Variants in FYB1 observed in about 807,000 individuals in gnomAD.
The protein encoded by FYB1 is FYN-binding protein 1.
Under a neutral mutation model 94.1 loss-of-function variants are expected in FYB1, and 41 were observed. The ratio of observed to expected loss-of-function variants is 0.44; its 90% CI spans 0.34 to 0.57. The LOEUF (loss-of-function observed/expected upper bound fraction) is 0.57. Ranked by LOEUF, FYB1 falls within the 20% of genes least tolerant of loss-of-function variation. FYB1 has a pLI of 0.02. For synonymous variants in FYB1, 367 were observed against 353.2 expected (o/e 1.04, Z -0.44); for missense variants, 1,050 against 976.8 (o/e 1.07, Z -1.00).
intron 2 of FYB1, among the ~76,000 whole-genome samples, chr5:39,190,425 A>G (rs1477032951): frequency 6.6e-6 from 1 of 152,126 alleles, no homozygotes. Context: ...CTGAGGAGCT[A>G]TGGACAATCT....
At chr5:39,199,996 G>T (rs1336291457) in intron 2 of FYB1, among the ~76,000 whole-genome samples, 1 of 152,202 alleles carries the variant, frequency 6.6e-6, no homozygotes, top group Non-Finnish European at 1.5e-5. Context: ...TTGATTTGTG[G>T]AAGAGGTGAA....
intron 7 of FYB1, among the ~76,000 whole-genome samples, chr5:39,136,136 C>G (rs1465390669): frequency 6.6e-6 from 1 of 152,110 alleles, no homozygotes; most frequent in Non-Finnish European, 1.5e-5. Context: ...GAGGCCCGAT[C>G]TCAGCTCACT....
intron 1 of FYB1, among the ~76,000 whole-genome samples, chr5:39,273,071 G>A (rs899841257): frequency 2.0e-5 from 3 of 152,148 alleles, no homozygotes; most frequent in Non-Finnish European, 2.9e-5. Flanking sequence ...GGTGGGGGGC[G>A]CTTCTGCCCG....
intron 1 of FYB1, among the ~76,000 whole-genome samples, chr5:39,265,055 G>T (rs913859353): frequency 4.6e-5 from 7 of 152,168 alleles, no homozygotes; most frequent in African/African-American, 1.2e-4. Flanking sequence ...CACATTTTTG[G>T]CCGGGTTCGG....
intron 1 of FYB1, among the ~76,000 whole-genome samples, chr5:39,246,963 T>C (rs891869576): frequency 2.6e-5 from 4 of 151,496 alleles, no homozygotes; most frequent in Non-Finnish European, 4.4e-5. Flanking sequence ...GTGCCTCAAT[T>C]ATGTCATCTG....
chr5:39,270,781 T>A (rs1752642247), intron 1 of FYB1: 1 of 454,872 alleles, frequency 2.2e-6, no homozygotes, highest in Non-Finnish European at 3.9e-6. Context: ...TTTATCTTGT[T>A]ATTATTTTTC....
At chr5:39,160,309 C>T (rs959740242) in intron 2 of FYB1, among the ~76,000 whole-genome samples, 1 of 152,168 alleles carries the variant, frequency 6.6e-6, no homozygotes, top group African/African-American at 2.4e-5. Context: ...CTGGCTGTCC[C>T]ATTCATACAC....
intron 1 of FYB1, among the ~76,000 whole-genome samples, chr5:39,239,662 G>A (rs1474353822): frequency 3.3e-5 from 5 of 152,052 alleles, no homozygotes; most frequent in African/African-American, 1.2e-4. Flanking sequence ...AATCAGAGAT[G>A]ACACAAACAA....
chr5:39,205,375 C>T (rs1013872236), intron 1 of FYB1, among the ~76,000 whole-genome samples: 4 of 152,078 alleles, frequency 2.6e-5, no homozygotes, highest in Non-Finnish European at 5.9e-5. Flanking sequence ...TAATGTGTAG[C>T]CATAGGACTG....
chr5:39,237,689 G>A lies in FYB1; in HGVS notation c.-27-34702C>T, dbSNP rs115075773. ...GAGAGATACTGATGATGGCATAGGT[G>A]GGAAAAGAAACCCAGTGGGAGAAAT... On this transcript the variant is annotated intron_variant, in intron 1 of 1. Transcript: ENST00000510188. 4.1e-3 allele frequency among the ~76,000 whole-genome samples: 619 copies of A among 152,152 alleles called. 8 individuals are homozygous for A. The highest frequency in any genetic ancestry group is 0.014 in the African/African-American group (593 of 41,536).
chr5:39,168,778 G>T (rs932045839), intron 2 of FYB1, among the ~76,000 whole-genome samples: 1 of 150,690 alleles, frequency 6.6e-6, no homozygotes, highest in African/African-American at 2.5e-5. Flanking sequence ...CATAATTAAT[G>T]AATATGTAAT....
At chr5:39,121,822 C>A (rs978834409) in intron 14 of FYB1, among the ~76,000 whole-genome samples, 1 of 151,844 alleles carries the variant, frequency 6.6e-6, no homozygotes, top group Non-Finnish European at 1.5e-5. Flanking sequence ...AAAAATAAAT[C>A]TTTTTTTCTT....
intron 1 of FYB1, among the ~76,000 whole-genome samples, chr5:39,272,306 C>T (rs1397561223): frequency 6.6e-6 from 1 of 152,056 alleles, no homozygotes; most frequent in Non-Finnish European, 1.5e-5. Flanking sequence ...TAGAAATAAT[C>T]GTGACACTCT....
Position 39,129,341 on chromosome 5 carries a change from A to T in FYB1, c.1840+1249T>A, listed in dbSNP as rs371662113. On this transcript the variant is annotated intron_variant, in intron 10 of 18. Coordinates refer to ENST00000512982, the MANE Select transcript of FYB1 (RefSeq NM_001465.6). ...GATTAAGGATTTAAACATAAGACCT[A>T]AAAGTATAAAACAACTGTAAGAAAA... Among the ~76,000 whole-genome samples, 15 of 152,196 alleles carry T rather than the reference A, an allele frequency of 9.9e-5. No individual in the cohort carries two copies. In the East Asian group the frequency reaches 2.7e-3, roughly 27 times the overall value.
At chr5:39,153,843 G>T (rs1743484604) in intron 2 of FYB1, among the ~76,000 whole-genome samples, 1 of 152,086 alleles carries the variant, frequency 6.6e-6, no homozygotes, top group Non-Finnish European at 1.5e-5. Flanking sequence ...GCTCCATCAT[G>T]GTTCACTGTA....
chr5:39,151,029 C>T (rs1254089012), intron 3 of FYB1, among the ~76,000 whole-genome samples: 1 of 152,192 alleles, frequency 6.6e-6, no homozygotes, highest in Non-Finnish European at 1.5e-5. Context: ...ACCATTCCTT[C>T]CCTTGCTCTC....
At chr5:39,114,202 AT>A (rs1007893416) in intron 16 of FYB1, among the ~76,000 whole-genome samples, 1 of 152,106 alleles carries the variant, frequency 6.6e-6, no homozygotes, top group Non-Finnish European at 1.5e-5. Flanking sequence ...TTTGTAGAAA[AT>A]TTTTTTCAGT....
At chr5:39,154,507 T>TC (rs1459158452) in intron 2 of FYB1, among the ~76,000 whole-genome samples, 1 of 148,874 alleles carries the variant, frequency 6.7e-6, no homozygotes, top group African/African-American at 2.5e-5. Flanking sequence ...CATTTTCCTT[T>TC]TTTTTTTTTT....
intron 9 of FYB1, 92 bp from the exon 10 acceptor site, chr5:39,130,704 G>T: frequency 9.9e-7 from 1 of 1,012,028 alleles, no homozygotes; most frequent in South Asian, 1.4e-5. Flanking sequence ...ATTCAAAAGA[G>T]AAATAACATT....
Sources: gnomAD v4.1 joint callset for allele counts (sites outside exome capture counted in the v4.1 genomes callset) on GRCh38, gnomAD v4.1.1 for gene constraint, MANE v1.5 for transcripts, NCBI Gene and HGNC (gene_info 2026-07-23, HGNC 2026-07-21) for gene names.